The following DPF3 variants were observed in gnomAD, a reference collection of about 807,000 sequenced individuals.
DPF3 encodes zinc finger protein DPF3.
A neutral mutation model predicts 56.8 loss-of-function variants in DPF3; 18 were observed. That is an observed-to-expected ratio of 0.32 (90% confidence interval 0.22 to 0.47). The LOEUF is 0.47. Ranked by LOEUF, DPF3 falls within the 20% of genes least tolerant of loss-of-function variation. DPF3 has a pLI of 1.00. For missense variants in DPF3, 403 were observed against 488.8 expected (o/e 0.82, Z 1.65); for synonymous variants, 188 against 180.2 (o/e 1.04, Z -0.35).
chr14:72,757,466 C>A (rs554893556), intron 2 of DPF3, among the ~76,000 whole-genome samples: 21 of 152,162 alleles, frequency 1.4e-4, no homozygotes, highest in African/African-American at 4.8e-4. Context: ...CATCCCAATC[C>A]TGCATCCCAT....
chr14:72,678,904 A>T (rs909862194), intron 7 of DPF3, among the ~76,000 whole-genome samples: 5 of 152,354 alleles, frequency 3.3e-5, no homozygotes, highest in Admixed American at 6.5e-5. Flanking sequence ...AAAGGAAAAA[A>T]AATGGAAATC....
chr14:72,688,914 T>TC (rs1887550178), intron 7 of DPF3, among the ~76,000 whole-genome samples: 1 of 152,150 alleles, frequency 6.6e-6, no homozygotes, highest in South Asian at 2.1e-4. Flanking sequence ...ATCCCTGGCT[T>TC]CCTGTAGTTG....
chr14:72,648,826 C>T (rs1287988449), intron 8 of DPF3, among the ~76,000 whole-genome samples: 1 of 152,066 alleles, frequency 6.6e-6, no homozygotes, highest in Non-Finnish European at 1.5e-5. Context: ...ACAAACAAGC[C>T]ATAAAAGCTC....
At chr14:72,814,527 A>G (rs1339749712) in intron 1 of DPF3, among the ~76,000 whole-genome samples, 4 of 152,200 alleles carry the variant, frequency 2.6e-5, no homozygotes, top group Non-Finnish European at 5.9e-5. Context: ...GATAAAAATT[A>G]ACTTGAGCGG....
chr14:72,774,524 C>T (rs1891677391), intron 1 of DPF3, among the ~76,000 whole-genome samples: 1 of 152,030 alleles, frequency 6.6e-6, no homozygotes, highest in Admixed American at 6.6e-5. Flanking sequence ...GTCAACGGGT[C>T]AGGTTCTAAC....
At chr14:72,630,059 G>T (rs190988642) in intron 8 of DPF3, among the ~76,000 whole-genome samples, 1 of 152,148 alleles carries the variant, frequency 6.6e-6, no homozygotes, top group African/African-American at 2.4e-5. Flanking sequence ...ACAGCCTGGG[G>T]CAGCACTATG....
At chr14:72,885,741 G>C (rs1442594253) in intron 1 of DPF3, among the ~76,000 whole-genome samples, 1 of 152,096 alleles carries the variant, frequency 6.6e-6, no homozygotes, top group East Asian at 1.9e-4. Flanking sequence ...CCTAGGCATA[G>C]TGAAAACCCA....
At chr14:72,670,230 G>A (rs1199653011) in intron 8 of DPF3, 15 of 985,850 alleles carry the variant, frequency 1.5e-5, no homozygotes, top group South Asian at 4.7e-5. Flanking sequence ...GCACGGCCTC[G>A]GCCTCGGGTG....
intron 1 of DPF3, among the ~76,000 whole-genome samples, chr14:72,789,984 G>T (rs1892363222): frequency 6.6e-6 from 1 of 152,088 alleles, no homozygotes; most frequent in South Asian, 2.1e-4. Flanking sequence ...GGTGTGGGTG[G>T]CTCATGCCTG....
At position 72,629,822 on chromosome 14, in the gene DPF3, C is replaced by T. The variant is rs981577368; in HGVS notation, c.872-86G>A. 5 of 1,112,858 alleles carry T rather than the reference C, an allele frequency of 4.5e-6. No individual in the cohort carries two copies. The African/African-American group carries it at 6.2e-5, about 14-fold the overall frequency. 68.9% of individuals were successfully genotyped at this position (1,112,858 alleles called of 1,614,324 possible). A position where few individuals can be genotyped will look rare whatever the true frequency, so the allele number is the denominator to read the frequency against. ...CACTCACTGGAAACACATTGATGCC[C>T]AGTGTGCAGGCAGGGCAGGGTAGCA... On this transcript the variant is annotated intron_variant, in intron 8 of 10. Coordinates refer to ENST00000556509, the MANE Select transcript of DPF3 (RefSeq NM_001280542.3).
chr14:72,870,611 G>A (rs1885860316), intron 1 of DPF3, among the ~76,000 whole-genome samples: 1 of 152,150 alleles, frequency 6.6e-6, no homozygotes, highest in African/African-American at 2.4e-5. Context: ...ACAATAAATT[G>A]ATAAAAATAA....
intron 8 of DPF3, among the ~76,000 whole-genome samples, chr14:72,658,360 C>A (rs1886113944): frequency 6.6e-6 from 1 of 151,658 alleles, no homozygotes; most frequent in Admixed American, 6.6e-5. Flanking sequence ...AATTAAAATT[C>A]CGGAAGGATT....
intron 2 of DPF3, among the ~76,000 whole-genome samples, chr14:72,767,850 A>C (rs905318977): frequency 6.6e-6 from 1 of 152,006 alleles, no homozygotes; most frequent in Admixed American, 6.5e-5. Flanking sequence ...CTATGGCAAA[A>C]CACATCAAAA....
rs145523120 is a variant in DPF3, at chr14:72,770,711, C to A, written c.193+1022G>T. ...ACATGGGGATGTGTTTTACTATTGT[C>A]TTCAGTTTTATATGAAGGTGAAATT... On this transcript the variant is annotated intron_variant, in intron 2 of 10. Transcript: ENST00000556509. Among the ~76,000 whole-genome samples the A allele has an allele frequency of 5.2e-3, 799 of 152,296 alleles. 9 individuals carry two copies. The highest frequency in any genetic ancestry group is 0.018 in the African/African-American group (743 of 41,562).
intron 8 of DPF3, among the ~76,000 whole-genome samples, chr14:72,638,617 G>T (rs950954267): frequency 6.6e-6 from 1 of 152,140 alleles, no homozygotes; most frequent in Non-Finnish European, 1.5e-5. Flanking sequence ...TTCATGAGTG[G>T]TCTAAGTTCT....
chr14:72,624,887 G>A (rs967735698), intron 9 of DPF3, among the ~76,000 whole-genome samples: 2 of 152,182 alleles, frequency 1.3e-5, no homozygotes, highest in Non-Finnish European at 2.9e-5. Context: ...GTAATGTTGT[G>A]CCCTTCTTGG....
intron 3 of DPF3, among the ~76,000 whole-genome samples, chr14:72,750,631 C>T (rs1052766178): frequency 7.9e-5 from 12 of 151,760 alleles, no homozygotes; most frequent in Middle Eastern, 3.4e-3. Flanking sequence ...ATTACAAAAA[C>T]GAAATGAAGA....
chr14:72,633,555 G>A (rs895529693), intron 8 of DPF3, among the ~76,000 whole-genome samples: 10 of 152,118 alleles, frequency 6.6e-5, no homozygotes, highest in Admixed American at 6.5e-4. Flanking sequence ...AAAAGAAGAG[G>A]TTTCAAGAAG....
chr14:72,742,179 C>A (rs181564089), intron 3 of DPF3, among the ~76,000 whole-genome samples: 2 of 152,206 alleles, frequency 1.3e-5, no homozygotes, highest in African/African-American at 4.8e-5. Context: ...CCAGAGCTGA[C>A]GAAGCTGCCG....
Sources: allele counts gnomAD v4.1 joint callset (sites outside exome capture counted in the v4.1 genomes callset), GRCh38; gene constraint gnomAD v4.1.1; transcripts MANE v1.5; gene names NCBI Gene and HGNC (gene_info 2026-07-23, HGNC 2026-07-21).